The following GOLIM4 variants were observed in gnomAD, a reference collection of about 807,000 sequenced individuals.
The protein encoded by GOLIM4 is golgi integral membrane protein 4, also known as 130 kDa golgi-localized phosphoprotein.
GOLIM4 carries 71 observed loss-of-function variants against 107.4 expected under a neutral mutation model. The ratio of observed to expected loss-of-function variants is 0.66; its 90% CI spans 0.55 to 0.81. The LOEUF is 0.81. Among genes scored for constraint, GOLIM4 ranks in the 30% least tolerant of loss-of-function variants. The pLI is 0.00. For synonymous variants in GOLIM4, 327 were observed against 294.8 expected (o/e 1.11, Z -1.12); for missense variants, 830 against 826.1 (o/e 1.00, Z -0.06).
rs139759842 is a variant in GOLIM4 at position 168,010,379 on chromosome 3, G to T, written c.1981C>A (p.Arg661=). ...CGGCCTTTGGGGCGGTTGTCATCTC[G>T]AACTTCTTGCTCTTCTCCATCATTA... ...KNNDGEEQEV[R]DDNRPKGREE... is the part of the protein sequence containing the mutation. Residue 661 remains arginine (R), a synonymous_variant, in exon 16 of 16, where the codon CGA becomes AGA. Coordinates refer to ENST00000470487, the MANE Select transcript of GOLIM4 (RefSeq NM_014498.5). The T allele has an allele frequency of 3.1e-6, 5 of 1,610,906 alleles. No individual in the cohort carries two copies. In the Admixed American group the frequency reaches 8.3e-5, roughly 27 times the overall value.
At chr3:168,093,010 T>A (rs952500617) in intron 1 of GOLIM4, among the ~76,000 whole-genome samples, 7 of 152,244 alleles carry the variant, frequency 4.6e-5, no homozygotes, top group African/African-American at 1.4e-4. Context: ...AACATTTCCA[T>A]CTGCTGCAAA....
At chr3:168,075,443 C>A (rs1013472151) in intron 1 of GOLIM4, among the ~76,000 whole-genome samples, 2 of 150,812 alleles carry the variant, frequency 1.3e-5, no homozygotes, top group Admixed American at 6.6e-5. Flanking sequence ...ACTACAGGCA[C>A]CCGCCACTAC....
intron 1 of GOLIM4, among the ~76,000 whole-genome samples, chr3:168,066,982 T>C (rs919648282): frequency 2.6e-5 from 4 of 152,112 alleles, no homozygotes; most frequent in African/African-American, 4.8e-5. Flanking sequence ...CACTAGTATC[T>C]TGAAATTTAC....
At chr3:168,090,674 T>C (rs886099544) in intron 1 of GOLIM4, among the ~76,000 whole-genome samples, 6 of 152,188 alleles carry the variant, frequency 3.9e-5, no homozygotes, top group African/African-American at 1.2e-4. Flanking sequence ...ACTAGGTATA[T>C]ACCCAAAGGG....
Position 168,027,810 on chromosome 3 carries a change from T to C in GOLIM4, c.1541A>G (p.Asp514Gly). ...ATTACCTGGATCTCCTTCTGCTTCA[T>C]CTTGGTGCTGGTTGTCTCTTTCATA... ...GAYERDNQHQDEAEGDPGNRH... is the reference protein window; with the variant it reads ...GAYERDNQHQGEAEGDPGNRH... The change falls in exon 12 of 16, where the codon GAT (aspartate) becomes GGT (glycine). Residue 514 changes from aspartate to glycine, a missense_variant. Physicochemically the swap from Asp to Gly is moderately conservative, Grantham distance 94. Transcript: ENST00000470487. 1.9e-6 allele frequency: 3 copies of C among 1,613,066 alleles called. No individual in the cohort carries two copies. The highest frequency in any genetic ancestry group is 3.3e-4 in the Middle Eastern group (2 of 6,056).
At chr3:168,024,758 T>C (rs778642884) in intron 13 of GOLIM4, among the ~76,000 whole-genome samples, 164 bp from the exon 14 acceptor site, 3 of 152,168 alleles carry the variant, frequency 2.0e-5, no homozygotes, top group Non-Finnish European at 2.9e-5. Context: ...GCCCAGGATG[T>C]CCGTTACCCT....
intron 9 of GOLIM4, among the ~76,000 whole-genome samples, chr3:168,030,421 C>T (rs774366629): frequency 2.6e-4 from 40 of 151,182 alleles, no homozygotes; most frequent in Admixed American, 1.6e-3. Flanking sequence ...CCTTATGCTA[C>T]GCCTAAGGCT....
At chr3:168,069,251 C>T (rs1720718170) in intron 1 of GOLIM4, among the ~76,000 whole-genome samples, 1 of 152,094 alleles carries the variant, frequency 6.6e-6, no homozygotes, top group Admixed American at 6.5e-5. Context: ...TTATTTCACA[C>T]TCAATTTTTG....
intron 1 of GOLIM4, among the ~76,000 whole-genome samples, chr3:168,085,753 TAC>T (rs1721585961): frequency 1.3e-5 from 2 of 152,180 alleles, no homozygotes; most frequent in Non-Finnish European, 2.9e-5. Context: ...TGAGACCTAC[TAC>T]AGGAGCACTT....
chr3:168,009,634 C>T lies in GOLIM4; in HGVS notation c.*635G>A, dbSNP rs1053220303. 6.6e-6 allele frequency: 1 copy of T among 152,082 alleles called. No homozygotes were observed. Among genetic ancestry groups the T allele is most frequent in the Non-Finnish European group, 1.5e-5 (1 of 68,034 alleles). 9.4% of individuals were successfully genotyped at this position (152,082 alleles called of 1,614,324 possible). On this transcript the variant is annotated 3_prime_UTR_variant, in exon 16 of 16. Coordinates refer to ENST00000470487, the MANE Select transcript of GOLIM4 (RefSeq NM_014498.5). ...TACTCTCTCATTTTTAAATTCAATT[C>T]CTCTTAAACAGAACAGCTATGATTT...
intron 14 of GOLIM4, among the ~76,000 whole-genome samples, chr3:168,013,439 T>C (rs1007436262): frequency 1.3e-5 from 2 of 151,490 alleles, no homozygotes; most frequent in African/African-American, 4.9e-5. Flanking sequence ...GCATTAATAA[T>C]GGGAGACTTT....
At chr3:168,041,592 CAATAT>C (rs1358046652) in intron 5 of GOLIM4, 118 bp from the exon 6 acceptor site, 5 of 585,196 alleles carry the variant, frequency 8.5e-6, no homozygotes, top group African/African-American at 7.5e-5. Flanking sequence ...TGAACTCAGA[CAATAT>C]AATATTCAAA....
intron 4 of GOLIM4, among the ~76,000 whole-genome samples, chr3:168,043,983 A>G (rs936672512): frequency 3.9e-5 from 6 of 152,208 alleles, no homozygotes; most frequent in African/African-American, 1.4e-4. Flanking sequence ...AGTAAATGAG[A>G]CTTTTCCCTT....
At chr3:168,044,931 T>C in intron 3 of GOLIM4, 50 bp from the exon 4 acceptor site, 1 of 1,022,436 alleles carries the variant, frequency 9.8e-7, no homozygotes, top group Non-Finnish European at 1.5e-6. Flanking sequence ...ATGGCTCTCT[T>C]GTTAAATACA....
intron 14 of GOLIM4, among the ~76,000 whole-genome samples, chr3:168,013,066 A>C (rs1320263581): frequency 6.6e-6 from 1 of 150,636 alleles, no homozygotes; most frequent in Non-Finnish European, 1.5e-5. Flanking sequence ...AAATGGACTA[A>C]ATGCTCCAAT....
In GOLIM4 at chr3:168,009,615, C is replaced by T. The variant is rs1043616849; in HGVS notation, c.*654G>A. ...ACTGCCACATGAGTTTTAATACTCTCTCATTTTTAAATTCAATTCCTCTTA... is the reference window on the plus strand; with the variant it reads ...ACTGCCACATGAGTTTTAATACTCTTTCATTTTTAAATTCAATTCCTCTTA... On this transcript the variant is annotated 3_prime_UTR_variant, in exon 16 of 16. Coordinates refer to ENST00000470487, the MANE Select transcript of GOLIM4 (RefSeq NM_014498.5). The T allele has an allele frequency of 7.2e-5, 11 of 152,162 alleles. No individual in the cohort carries two copies. The highest frequency in any genetic ancestry group is 2.7e-4 in the African/African-American group (11 of 41,446). 9.4% of individuals were successfully genotyped at this position (152,162 alleles called of 1,614,324 possible).
At chr3:168,024,642 C>G (rs772104144) in intron 13 of GOLIM4, 48 bp from the exon 14 acceptor site, 1 of 1,413,080 alleles carries the variant, frequency 7.1e-7, no homozygotes, top group Non-Finnish European at 1.0e-6. Flanking sequence ...ATCAGAGATG[C>G]CTTTTACACA....
intron 12 of GOLIM4, 91 bp downstream of exon 12, chr3:168,027,637 T>C (rs1718068237): frequency 1.4e-5 from 11 of 769,826 alleles, no homozygotes; most frequent in Non-Finnish European, 2.6e-5. Context: ...CAGAAATATC[T>C]GGGGCTGAAG....
At chr3:168,017,163 A>G (rs1469350488) in intron 14 of GOLIM4, among the ~76,000 whole-genome samples, 1 of 152,184 alleles carries the variant, frequency 6.6e-6, no homozygotes, top group East Asian at 1.9e-4. Flanking sequence ...AATTCCAAAT[A>G]TAAAACATCT....
Sources: allele counts gnomAD v4.1 joint callset (sites outside exome capture counted in the v4.1 genomes callset), GRCh38; gene constraint gnomAD v4.1.1; transcripts MANE v1.5; gene names NCBI Gene and HGNC (gene_info 2026-07-23, HGNC 2026-07-21).